The following SERPINB8 variants were observed in gnomAD, a reference collection of about 807,000 sequenced individuals.
SERPINB8 encodes serpin B8.
SERPINB8 carries 25 observed loss-of-function variants against 35.3 expected under a neutral mutation model. The observed-to-expected ratio is 0.71, with a 90% confidence interval of 0.52 to 0.99. SERPINB8 has a LOEUF of 0.99. Ranked by LOEUF, SERPINB8 falls within the 50% of genes least tolerant of loss-of-function variation. SERPINB8 has a pLI of 0.00. For synonymous variants in SERPINB8, 186 were observed against 160.8 expected, an observed-to-expected ratio of 1.16 and a Z score of -1.19; for missense variants, 484 against 446.5, an observed-to-expected ratio of 1.08 and a Z score of -0.76.
At position 63,981,720 on chromosome 18, in the gene SERPINB8, G is replaced by A. The variant is rs1285863347; in HGVS notation, c.307-1G>A. ...CTAAACTCAGTGTTTTGTGTTTGCA[G>A]GACTTTAAAGAATACTGTCAGAAGT... On this transcript the variant is annotated splice_acceptor_variant, in intron 3 of 6. Coordinates refer to ENST00000397985, the MANE Select transcript of SERPINB8 (RefSeq NM_002640.4). LOFTEE classifies it high-confidence loss of function. The A allele has an allele frequency of 6.2e-7, 1 of 1,603,212 alleles. No homozygotes were observed. Among genetic ancestry groups the A allele is most frequent in the Admixed American group, 1.7e-5 (1 of 59,140 alleles).
intron 1 of SERPINB8, among the ~76,000 whole-genome samples, chr18:64,002,474 C>G (rs1190279865): frequency 1.3e-5 from 2 of 152,328 alleles, no homozygotes; most frequent in East Asian, 3.9e-4. Context: ...CCAAAATCCT[C>G]TCTATGTAAC....
intron 7 of SERPINB8, among the ~76,000 whole-genome samples, chr18:64,017,176 G>T: frequency 6.6e-6 from 1 of 151,936 alleles, no homozygotes; most frequent in South Asian, 2.1e-4. Flanking sequence ...TCCATTTTTC[G>T]GTGACGTGAG....
chr18:63,982,908 C>T lies in SERPINB8; in HGVS notation c.425-671C>T, dbSNP rs866212848. 2.0e-5 allele frequency among the ~76,000 whole-genome samples: 3 copies of T among 152,074 alleles called. 1 individual carries two copies. Among genetic ancestry groups the T allele is most frequent in the South Asian group, 4.2e-4 (2 of 4,818 alleles). On this transcript the variant is annotated intron_variant, in intron 4 of 6. Coordinates refer to ENST00000397985, the MANE Select transcript of SERPINB8 (RefSeq NM_002640.4). ...AATTTGGGCCCCTCTATTCTACCCC[C>T]CTAATTCCTTTGCCCCATTCACCCC... is the stretch of plus-strand genomic sequence containing the variant.
chr18:63,974,808 G>GAGCAGAAGTCTCT, intron 1 of SERPINB8, among the ~76,000 whole-genome samples: 1 of 152,114 alleles, frequency 6.6e-6, no homozygotes, highest in African/African-American at 2.4e-5. Context: ...TTTCTCCCCT[G>GAGCAGAAGTCTCT]CCTGACTTCT....
At position 63,987,111 on chromosome 18, in the gene SERPINB8, G is replaced by A. The variant is rs757601997; in HGVS notation, c.958G>A (p.Glu320Lys). 1.2e-6 allele frequency: 2 copies of A among 1,614,194 alleles called. No homozygotes were observed. Among genetic ancestry groups the A allele is most frequent in the South Asian group, 2.2e-5 (2 of 91,080 alleles). ...CAAGGTTGCCCACAAGTGCTTCGTGGAGGTCAATGAGGAAGGCACAGAGGC... is the reference window on the plus strand; with the variant it reads ...CAAGGTTGCCCACAAGTGCTTCGTGAAGGTCAATGAGGAAGGCACAGAGGC... ...LSKVAHKCFV[E>K]VNEEGTEAAA... Residue 320 changes from glutamate (E) to lysine (K), a missense_variant, in exon 7 of 7, where the codon GAG becomes AAG. Coordinates refer to ENST00000397985, the MANE Select transcript of SERPINB8 (RefSeq NM_002640.4).
At chr18:63,974,162 G>A (rs1046973346) in intron 1 of SERPINB8, among the ~76,000 whole-genome samples, 1 of 151,980 alleles carries the variant, frequency 6.6e-6, no homozygotes, top group Admixed American at 6.6e-5. Flanking sequence ...TTATTTACTT[G>A]TTTTTTTCTG....
intron 7 of SERPINB8, among the ~76,000 whole-genome samples, chr18:64,012,670 C>T (rs1599172206): frequency 1.3e-5 from 2 of 151,888 alleles, no homozygotes; most frequent in South Asian, 2.1e-4. Flanking sequence ...ATGTTTCTTT[C>T]GGAGTCAGCT....
In SERPINB8 at chr18:63,988,765, A is replaced by G. The variant is rs745795185; in HGVS notation, c.*1487A>G. 3.3e-5 allele frequency: 5 copies of G among 152,214 alleles called. No homozygotes were observed. The highest frequency in any genetic ancestry group is 5.9e-5 in the Non-Finnish European group (4 of 68,036). 9.4% of individuals were successfully genotyped at this position (152,214 alleles called of 1,614,324 possible). Reference sequence around the variant, plus strand: ...AGGATATATCTGTTAGGCCACATTCATTTAGGGATCATGTTTTCCAAAGCA... The same window carrying G: ...AGGATATATCTGTTAGGCCACATTCGTTTAGGGATCATGTTTTCCAAAGCA... On this transcript the variant is annotated 3_prime_UTR_variant, in exon 7 of 7. Coordinates refer to ENST00000397985, the MANE Select transcript of SERPINB8 (RefSeq NM_002640.4).
chr18:64,000,185 A>T (rs1272948080), intron 1 of SERPINB8, among the ~76,000 whole-genome samples: 2 of 152,146 alleles, frequency 1.3e-5, no homozygotes, highest in African/African-American at 4.8e-5. Context: ...GAAACATCTT[A>T]TCCTGGATTG....
intron 1 of SERPINB8, among the ~76,000 whole-genome samples, chr18:63,977,777 G>C (rs2050605560): frequency 6.6e-6 from 1 of 152,136 alleles, no homozygotes; most frequent in African/African-American, 2.4e-5. Flanking sequence ...TTTCCTATTG[G>C]TGTGATAACA....
At chr18:63,989,629 T>C (rs1248188935), downstream of SERPINB8, among the ~76,000 whole-genome samples, 1 of 152,158 alleles carries the variant, frequency 6.6e-6, no homozygotes, top group Non-Finnish European at 1.5e-5. Context: ...CCCTAATGCC[T>C]AATTATGTTC....
In SERPINB8 at chr18:63,988,185, C is replaced by G. The variant is rs1362776102; in HGVS notation, c.*907C>G. The G allele has an allele frequency of 5.3e-5, 8 of 152,192 alleles. No individual in the cohort carries two copies. The highest frequency in any genetic ancestry group is 1.9e-4 in the African/African-American group (8 of 41,448). 9.4% of individuals were successfully genotyped at this position (152,192 alleles called of 1,614,324 possible). On this transcript the variant is annotated 3_prime_UTR_variant, in exon 7 of 7. Transcript: ENST00000397985. Reference sequence around the variant, plus strand: ...AATCACTGCTGTTAATAGTGATATACATCCTTCCCTATTATGTGTATGCAA... The same window carrying G: ...AATCACTGCTGTTAATAGTGATATAGATCCTTCCCTATTATGTGTATGCAA...
At chr18:63,986,502 G>C (rs1276769721) in intron 6 of SERPINB8, 2 of 1,346,056 alleles carry the variant, frequency 1.5e-6, no homozygotes, top group Non-Finnish European at 1.9e-6. Context: ...TTTGTCTTTT[G>C]TCAAACAATC....
chr18:63,999,388 C>G (rs1221115778), intron 1 of SERPINB8, among the ~76,000 whole-genome samples: 2 of 152,160 alleles, frequency 1.3e-5, no homozygotes, highest in Non-Finnish European at 2.9e-5. Flanking sequence ...ATATGTGGAC[C>G]CTGGTACTGT....
rs371016090 is a variant in SERPINB8, at chr18:63,978,824, A to G, written c.168+348A>G. On this transcript the variant is annotated intron_variant, in intron 2 of 6. Transcript: ENST00000397985. ...TGTTACATTTTAAACTTTTGCTAAC[A>G]TTATATTTTTAATAGACATGTGGGT... 4.6e-4 allele frequency among the ~76,000 whole-genome samples: 70 copies of G among 152,282 alleles called. 1 individual carries two copies. Among genetic ancestry groups the G allele is most frequent in the African/African-American group, 1.6e-3 (65 of 41,530 alleles).
chr18:63,994,209 A>G (rs2050837665), downstream of SERPINB8, among the ~76,000 whole-genome samples: 1 of 152,082 alleles, frequency 6.6e-6, no homozygotes, highest in Non-Finnish European at 1.5e-5. Flanking sequence ...TAATGGCACC[A>G]TGTCCTGGGT....
At chr18:63,996,940 G>T (rs1398106833) in intron 1 of SERPINB8, among the ~76,000 whole-genome samples, 1 of 152,186 alleles carries the variant, frequency 6.6e-6, no homozygotes, top group African/African-American at 2.4e-5. Context: ...TACTAGAAAA[G>T]GCTGCTATGT....
Position 63,987,281 on chromosome 18 carries a change from A to G in SERPINB8, c.*3A>G. 1.2e-6 allele frequency: 2 copies of G among 1,608,000 alleles called. No individual in the cohort carries two copies. Among genetic ancestry groups the G allele is most frequent in the Non-Finnish European group, 8.5e-7 (1 of 1,176,380 alleles). ...GTGGCAGGTTCTCTTCTCCGTAAAGAGGAGCAATTGCTGTACATACCCTCC... is the reference window on the plus strand; with the variant it reads ...GTGGCAGGTTCTCTTCTCCGTAAAGGGGAGCAATTGCTGTACATACCCTCC... On this transcript the variant is annotated 3_prime_UTR_variant, in exon 7 of 7. Coordinates refer to ENST00000397985, the MANE Select transcript of SERPINB8 (RefSeq NM_002640.4).
At chr18:64,013,684 C>G (rs1187917466) in intron 7 of SERPINB8, among the ~76,000 whole-genome samples, 1 of 152,152 alleles carries the variant, frequency 6.6e-6, no homozygotes, top group African/African-American at 2.4e-5. Context: ...ACCTGGGAGA[C>G]ATATTTAGAT....
Sources: allele counts gnomAD v4.1 joint callset (sites outside exome capture counted in the v4.1 genomes callset), GRCh38; gene constraint gnomAD v4.1.1; transcripts MANE v1.5; gene names NCBI Gene and HGNC (gene_info 2026-07-23, HGNC 2026-07-21).